Variants in AKAP6 observed in about 807,000 individuals in gnomAD.
AKAP6 encodes the protein A-kinase anchoring protein 6.
Under a neutral mutation model 188.5 loss-of-function variants are expected in AKAP6, and 58 were observed. That is an observed-to-expected ratio of 0.31 (90% confidence interval 0.25 to 0.38). AKAP6 has a LOEUF of 0.38. Among genes scored for constraint, AKAP6 ranks in the 10% least tolerant of loss-of-function variants. The pLI, the probability that AKAP6 is intolerant of heterozygous loss-of-function variation, is 1.00. For synonymous variants in AKAP6, 989 were observed against 998.6 expected, an observed-to-expected ratio of 0.99 and a Z score of 0.18; for missense variants, 2,710 against 2,740.0, an observed-to-expected ratio of 0.99 and a Z score of 0.24.
At chr14:32,599,926 C>T (rs1476431369) in intron 6 of AKAP6, among the ~76,000 whole-genome samples, 6 of 152,130 alleles carry the variant, frequency 3.9e-5, no homozygotes, top group Admixed American at 6.5e-5. Context: ...ATTTCCCTGC[C>T]GCTTCACACA....
intron 2 of AKAP6, among the ~76,000 whole-genome samples, chr14:32,508,671 C>G (rs1013177363): frequency 6.6e-6 from 1 of 152,086 alleles, no homozygotes; most frequent in Non-Finnish European, 1.5e-5. Context: ...AATTATGAAA[C>G]ATACTTATTT....
intron 11 of AKAP6, among the ~76,000 whole-genome samples, chr14:32,762,934 A>G (rs1393234177): frequency 6.6e-6 from 1 of 152,090 alleles, no homozygotes; most frequent in East Asian, 1.9e-4. Context: ...TTATTTGTGG[A>G]CTGGGTAAAC....
intron 1 of AKAP6, among the ~76,000 whole-genome samples, chr14:32,371,884 C>T (rs890063730): frequency 1.3e-5 from 2 of 152,088 alleles, no homozygotes; most frequent in Non-Finnish European, 2.9e-5. Flanking sequence ...GGGTGGTTTC[C>T]TCATCTGCAA....
chr14:32,616,460 G>A (rs943772492), intron 7 of AKAP6, among the ~76,000 whole-genome samples: 1 of 152,182 alleles, frequency 6.6e-6, no homozygotes, highest in Non-Finnish European at 1.5e-5. Context: ...CAGGAACATA[G>A]ACGGATCTGG....
chr14:32,802,823 C>A (rs2033985154), intron 12 of AKAP6, among the ~76,000 whole-genome samples: 1 of 152,178 alleles, frequency 6.6e-6, no homozygotes, highest in Admixed American at 6.5e-5. Context: ...GAAGGCTGGG[C>A]ACAGTGGCTC....
At chr14:32,782,176 A>AG in intron 12 of AKAP6, among the ~76,000 whole-genome samples, 1 of 133,974 alleles carries the variant, frequency 7.5e-6, no homozygotes, top group African/African-American at 2.8e-5. Context: ...AAAAAAGGAA[A>AG]GAAAGGAAGG....
At chr14:32,604,714 A>T (rs1886063876) in intron 7 of AKAP6, among the ~76,000 whole-genome samples, 1 of 152,172 alleles carries the variant, frequency 6.6e-6, no homozygotes, top group Non-Finnish European at 1.5e-5. Flanking sequence ...TCTGCCTCAA[A>T]GGGTTGTGAT....
At chr14:32,588,583 C>T (rs1271082482) in intron 5 of AKAP6, among the ~76,000 whole-genome samples, 2 of 152,150 alleles carry the variant, frequency 1.3e-5, no homozygotes, top group Non-Finnish European at 2.9e-5. Context: ...ACTTTTAAAA[C>T]ACACCTTCCT....
chr14:32,626,471 A>G (rs1162786862), intron 7 of AKAP6, among the ~76,000 whole-genome samples: 1 of 151,992 alleles, frequency 6.6e-6, no homozygotes, highest in African/African-American at 2.4e-5. Flanking sequence ...TAAACTCAAA[A>G]TCCTTAAAAA....
At chr14:32,540,811 A>T (rs1882912803) in intron 3 of AKAP6, among the ~76,000 whole-genome samples, 1 of 151,822 alleles carries the variant, frequency 6.6e-6, no homozygotes. Context: ...TTTTCTTACA[A>T]TTGCCTCTGC....
chr14:32,586,133 G>A (rs551009710), intron 5 of AKAP6, among the ~76,000 whole-genome samples: 1 of 152,212 alleles, frequency 6.6e-6, no homozygotes, highest in East Asian at 1.9e-4. Flanking sequence ...ATGGATTTGG[G>A]TATAGTATTT....
At chr14:32,391,181 T>C (rs1888702797) in intron 1 of AKAP6, among the ~76,000 whole-genome samples, 1 of 152,186 alleles carries the variant, frequency 6.6e-6, no homozygotes, top group Non-Finnish European at 1.5e-5. Flanking sequence ...TTGTTCAATG[T>C]CAGCTTAAAG....
intron 11 of AKAP6, among the ~76,000 whole-genome samples, chr14:32,762,547 G>A (rs571909035): frequency 6.6e-5 from 10 of 152,116 alleles, no homozygotes; most frequent in African/African-American, 1.7e-4. Flanking sequence ...CGCAGCTTTC[G>A]TGGGATAACT....
chr14:32,340,847 A>T (rs544372041), intron 1 of AKAP6, among the ~76,000 whole-genome samples: 2 of 152,328 alleles, frequency 1.3e-5, no homozygotes, highest in Admixed American at 1.3e-4. Flanking sequence ...AATGGAAGGG[A>T]TAAAGAGTCT....
At chr14:32,784,799 G>C (rs1262359906) in intron 12 of AKAP6, among the ~76,000 whole-genome samples, 1 of 152,142 alleles carries the variant, frequency 6.6e-6, no homozygotes, top group African/African-American at 2.4e-5. Context: ...AGGCGTATCT[G>C]ACTCCAAGAT....
intron 1 of AKAP6, among the ~76,000 whole-genome samples, chr14:32,344,612 A>G (rs1887004344): frequency 1.3e-5 from 2 of 152,262 alleles, no homozygotes; most frequent in Admixed American, 6.5e-5. Context: ...CAAGTGGAGT[A>G]TAAGAGTATA....
intron 1 of AKAP6, among the ~76,000 whole-genome samples, chr14:32,410,291 C>T (rs910116138): frequency 2.0e-5 from 3 of 152,172 alleles, no homozygotes; most frequent in African/African-American, 7.2e-5. Context: ...ACTTGGTCTC[C>T]ATACCCCTTT....
At chr14:32,540,158 C>A (rs1250003869) in intron 3 of AKAP6, among the ~76,000 whole-genome samples, 13 of 112,756 alleles carry the variant, frequency 1.2e-4, no homozygotes, top group African/African-American at 3.5e-4. Flanking sequence ...CTCTCTCTCT[C>A]TCTCTCTCTC....
intron 7 of AKAP6, among the ~76,000 whole-genome samples, chr14:32,649,463 A>G (rs989565547): frequency 2.6e-5 from 4 of 152,200 alleles, no homozygotes; most frequent in African/African-American, 7.2e-5. Context: ...ACATTTAATT[A>G]TGCTACAAAG....
Sources: allele counts gnomAD v4.1 joint callset (sites outside exome capture counted in the v4.1 genomes callset), GRCh38; gene constraint gnomAD v4.1.1; transcripts MANE v1.5; gene names NCBI Gene and HGNC (gene_info 2026-07-23, HGNC 2026-07-21).